The following SAT1 variants were observed in gnomAD, a reference collection of about 807,000 sequenced individuals.
The protein encoded by SAT1 is spermidine/spermine N1-acetyltransferase 1.
A neutral mutation model predicts 14.7 loss-of-function variants in SAT1; 1 was observed. The ratio of observed to expected loss-of-function variants is 0.07; its 90% CI spans 0.02 to 0.32. The LOEUF (loss-of-function observed/expected upper bound fraction) is 0.32, where lower values mean the gene tolerates loss of function less well. Ranked by LOEUF, SAT1 falls within the 10% of genes least tolerant of loss-of-function variation. The probability of loss-of-function intolerance (pLI) is 1.00; values close to 1 mark genes in which losing one functional copy is unlikely to be tolerated. For missense variants in SAT1, 77 were observed against 129.1 expected, an observed-to-expected ratio of 0.60 and a Z score of 1.96; for synonymous variants, 67 against 46.1, an observed-to-expected ratio of 1.45 and a Z score of -1.84.
Position 23,783,385 on chromosome X carries a change from G to T in SAT1, c.34G>T (p.Ala12Ser), listed in dbSNP as rs145980431. The T allele has an allele frequency of 8.3e-7, 1 of 1,210,929 alleles. No homozygotes were observed. The highest frequency in any genetic ancestry group is 3.0e-5 in the East Asian group (1 of 33,836). The stretch of plus-strand genomic sequence containing the variant: ...ATTCGTGATCCGCCCAGCCACTGCC[G>T]CCGACTGCAGTGACATACTGCGGCT... ...AKFVIRPATA[A>S]DCSDILRLIK... Residue 12 changes from alanine (A) to serine (S), a missense_variant, in exon 1 of 6, where the codon GCC becomes TCC. Ala to Ser is a moderately conservative substitution (Grantham distance 99). Coordinates refer to ENST00000379270, the MANE Select transcript of SAT1 (RefSeq NM_002970.4).
Position 23,783,644 on chromosome X carries a change from G to T in SAT1, c.67-14G>T. The T allele has an allele frequency of 8.8e-7, 1 of 1,137,393 alleles. No homozygotes were observed. Among genetic ancestry groups the T allele is most frequent in the Non-Finnish European group, 1.2e-6 (1 of 851,437 alleles). The allele number at this position is 1,137,393 out of a possible 1,213,427, so 93.7% of individuals were successfully genotyped here. On this transcript the variant is annotated splice_polypyrimidine_tract_variant and intron_variant, in intron 1 of 5. Transcript: ENST00000379270. ...TGTTTTCTACTTTTTTCTCTCCTATGTGCATCCCCCCAGGAGCTGGCTAAA... is the reference window on the plus strand; with the variant it reads ...TGTTTTCTACTTTTTTCTCTCCTATTTGCATCCCCCCAGGAGCTGGCTAAA...
intron 3 of SAT1, chrX:23,784,147 T>C: frequency 9.8e-7 from 1 of 1,021,675 alleles, no homozygotes. Flanking sequence ...TAAGTAAGTA[T>C]AAGTGCTGTG....
Position 23,783,435 on chromosome X carries a change from C to G in SAT1, c.66+18C>G. 4.2e-6 allele frequency: 5 copies of G among 1,193,680 alleles called. No homozygotes were observed. The highest frequency in any genetic ancestry group is 5.7e-6 in the Non-Finnish European group (5 of 880,257). The stretch of plus-strand genomic sequence containing the variant: ...TGATCAAGGTAGCGGAGAGCCAGAG[C>G]TCCTCCCGGGGCGTGGGGTGGAGGT... On this transcript the variant is annotated intron_variant, in intron 1 of 5. Coordinates refer to ENST00000379270, the MANE Select transcript of SAT1 (RefSeq NM_002970.4).
Position 23,783,220 on chromosome X carries a change from G to T in SAT1, c.-132G>T. The T allele has an allele frequency of 1.2e-5, 7 of 567,315 alleles. No homozygotes were observed. The highest frequency in any genetic ancestry group is 2.1e-5 in the Non-Finnish European group (7 of 330,796). The allele number at this position is 567,315 out of a possible 1,213,427, so 46.8% of individuals were successfully genotyped here. A position where few individuals can be genotyped will look rare whatever the true frequency, so the allele number is the denominator to read the frequency against. ...GACTGGTGTTTATCCGTCACTCGCC[G>T]AGGTTCCTTGGGTCATGGTGCCAGC... is the stretch of plus-strand genomic sequence containing the variant. On this transcript the variant is annotated 5_prime_UTR_variant, in exon 1 of 6. Coordinates refer to ENST00000379270, the MANE Select transcript of SAT1 (RefSeq NM_002970.4).
At chrX:23,785,175 C>T (rs1922670977) in intron 3 of SAT1, 153 bp from the exon 4 acceptor site, 2 of 484,716 alleles carry the variant, frequency 4.1e-6, no homozygotes, top group Non-Finnish European at 7.3e-6. Flanking sequence ...CTGGACTGCA[C>T]TCACATAAAA....
At chrX:23,784,153 C>G in intron 3 of SAT1, 1 of 976,809 alleles carries the variant, frequency 1.0e-6, no homozygotes, top group Non-Finnish European at 1.3e-6. Context: ...AGTATAAGTG[C>G]TGTGGAGACC....
chrX:23,784,104 G>C, intron 3 of SAT1: 2 of 1,090,124 alleles, frequency 1.8e-6, no homozygotes, highest in Non-Finnish European at 2.4e-6. Context: ...AAGTATCAGA[G>C]TGCTGTGGAG....
chrX:23,783,611 C>T (rs776868417), intron 1 of SAT1, 47 bp from the exon 2 acceptor site: 2 of 980,340 alleles, frequency 2.0e-6, no homozygotes, highest in Non-Finnish European at 2.8e-6. Context: ...CGGGCCGGAG[C>T]CTCATTTTGT....
chrX:23,784,002 TAGCC>T (rs750793198), intron 3 of SAT1, 119 bp downstream of exon 3: 44 of 1,170,464 alleles, frequency 3.8e-5, no homozygotes, highest in African/African-American at 3.1e-4. Context: ...ACAGAAAAAA[TAGCC>T]AGCAAGTGTT....
At chrX:23,784,057 TA>T (rs1223061143) in intron 3 of SAT1, 174 bp downstream of exon 3, 2 of 1,121,083 alleles carry the variant, frequency 1.8e-6, no homozygotes, top group Non-Finnish European at 2.3e-6. Context: ...ATGCTGCACT[TA>T]AGAATACTAG....
Position 23,783,384 on chromosome X carries a change from C to G in SAT1, c.33C>G (p.Ala11=), listed in dbSNP as rs764882680. MAKFVIRPAT[A]ADCSDILRLI... Reference sequence around the variant, plus strand: ...AATTCGTGATCCGCCCAGCCACTGCCGCCGACTGCAGTGACATACTGCGGC... The same window carrying G: ...AATTCGTGATCCGCCCAGCCACTGCGGCCGACTGCAGTGACATACTGCGGC... The change falls in exon 1 of 6, where the codon GCC becomes GCG. Residue 11 remains alanine (A), a synonymous_variant. Transcript: ENST00000379270. 2.5e-6 allele frequency: 3 copies of G among 1,211,058 alleles called. No individual in the cohort carries two copies. In the Admixed American group the frequency reaches 6.5e-5, roughly 26 times the overall value.
rs750695278 is a variant in SAT1, at chrX:23,785,341, T to C, written c.216T>C (p.Val72=). 1.7e-6 allele frequency: 2 copies of C among 1,198,082 alleles called. No homozygotes were observed. Among genetic ancestry groups the C allele is most frequent in the Non-Finnish European group, 2.3e-6 (2 of 883,825 alleles). The change falls in exon 4 of 6, where the codon GTT becomes GTC. Residue 72 remains valine (V), a synonymous_variant. Transcript: ENST00000379270. ...EHWTPEGHSI[V]GFAMYYFTYD... ...CTCTTATTACAGGACACAGCATTGTTGGTTTTGCCATGTACTATTTTACCT... is the reference window on the plus strand; with the variant it reads ...CTCTTATTACAGGACACAGCATTGTCGGTTTTGCCATGTACTATTTTACCT...
chrX:23,785,395 T>C lies in SAT1; in HGVS notation c.270T>C (p.Tyr90=). The stretch of plus-strand genomic sequence containing the variant: ...ACCCGTGGATTGGCAAGTTATTGTA[T>C]CTTGAGGACTTCTTCGTGATGAGTG... The part of the protein sequence containing the change: ...TYDPWIGKLL[Y]LEDFFVMSDY... Residue 90 remains tyrosine (Y), a synonymous_variant, in exon 4 of 6, where the codon TAT becomes TAC. Transcript: ENST00000379270. 1 of 1,205,438 alleles carries C rather than the reference T, an allele frequency of 8.3e-7. No individual in the cohort carries two copies.
chrX:23,783,894 G>A lies in SAT1; in HGVS notation c.202+11G>A. The A allele has an allele frequency of 8.3e-7, 1 of 1,211,462 alleles. No homozygotes were observed. The highest frequency in any genetic ancestry group is 1.8e-5 in the South Asian group (1 of 56,982). ...ACTGGACTCCGGAAGGTAACCCCTC[G>A]CCCTTTCCAGAAGCCAGAGAGACCA... On this transcript the variant is annotated intron_variant, in intron 3 of 5. Coordinates refer to ENST00000379270, the MANE Select transcript of SAT1 (RefSeq NM_002970.4).
In SAT1 at chrX:23,783,831, C is replaced by T; in HGVS notation, c.150C>T (p.Pro50=). 8.3e-7 allele frequency: 1 copy of T among 1,211,690 alleles called. No individual in the cohort carries two copies. The highest frequency in any genetic ancestry group is 1.7e-5 in the African/African-American group (1 of 57,760). ...TAGAAGATGGTTTTGGAGAGCACCC[C>T]TTTTACCACTGCCTGGTTGCAGAAG... ...DLLEDGFGEH[P]FYHCLVAEVP... Residue 50 remains proline, a synonymous_variant, in exon 3 of 6, where the codon CCC becomes CCT. Coordinates refer to ENST00000379270, the MANE Select transcript of SAT1 (RefSeq NM_002970.4).
chrX:23,785,827 T>C lies in SAT1; in HGVS notation c.487T>C (p.Tyr163His). Residue 163 changes from tyrosine to histidine, a missense_variant, in exon 6 of 6, where the codon TAC (tyrosine) becomes CAC (histidine). Transcript: ENST00000379270. ...GWRLFKIDKE[Y>H]LLKMATEE ...GAGACTGTTCAAGATCGACAAGGAGTACTTGCTAAAAATGGCAACAGAGGA... is the reference window on the plus strand; with the variant it reads ...GAGACTGTTCAAGATCGACAAGGAGCACTTGCTAAAAATGGCAACAGAGGA... 1.7e-6 allele frequency: 2 copies of C among 1,202,422 alleles called. No homozygotes were observed. The highest frequency in any genetic ancestry group is 1.1e-6 in the Non-Finnish European group (1 of 890,928).
chrX:23,783,576 C>CCCG, intron 1 of SAT1, 82 bp from the exon 2 acceptor site: 1 of 745,021 alleles, frequency 1.3e-6, no homozygotes, highest in Non-Finnish European at 2.0e-6. Context: ...CGCCCGCCCG[C>CCCG]CCCATTCCGT....
At position 23,783,799 on chromosome X, in the gene SAT1, G is replaced by T; in HGVS notation, c.119-1G>T. On this transcript the variant is annotated splice_acceptor_variant, in intron 2 of 5. Transcript: ENST00000379270. LOFTEE classifies it high-confidence loss of function. ...ACCGCCCCTGCTCCCCCTTCTTGCA[G>T]ATCTGCTAGAAGATGGTTTTGGAGA... 1 of 1,211,935 alleles carries T rather than the reference G, an allele frequency of 8.3e-7. No homozygotes were observed. The highest frequency in any genetic ancestry group is 1.1e-6 in the Non-Finnish European group (1 of 895,523).
In SAT1 at chrX:23,783,202, G is replaced by T. The variant is rs907245673; in HGVS notation, c.-150G>T. 9.6e-6 allele frequency: 5 copies of T among 522,612 alleles called. No individual in the cohort carries two copies. The highest frequency in any genetic ancestry group is 1.7e-5 in the Non-Finnish European group (5 of 295,859). The allele number at this position is 522,612 out of a possible 1,213,427, so 43.1% of individuals were successfully genotyped here. ...AGCTCTTAGTCGCGGGCCGACTGGT[G>T]TTTATCCGTCACTCGCCGAGGTTCC... On this transcript the variant is annotated 5_prime_UTR_variant, in exon 1 of 6. Transcript: ENST00000379270.
Sources: allele counts gnomAD v4.1 joint callset, GRCh38; gene constraint gnomAD v4.1.1; transcripts MANE v1.5; gene names NCBI Gene and HGNC (gene_info 2026-07-23, HGNC 2026-07-21).